RPH3AL: variants seen among roughly 807,000 people sequenced by gnomAD.
RPH3AL encodes rabphilin 3A like (without C2 domains), also known as rab effector Noc2.
RPH3AL carries 38 observed loss-of-function variants against 43.1 expected under a neutral mutation model. That is an observed-to-expected ratio of 0.88 (90% CI 0.68 to 1.15). The LOEUF is 1.15. RPH3AL is among the 50% of genes most tolerant of loss of function. The pLI is 0.00. For missense variants in RPH3AL, 462 were observed against 423.2 expected (o/e 1.09, Z -0.81); for synonymous variants, 189 against 176.3 (o/e 1.07, Z -0.57).
intron 5 of RPH3AL, among the ~76,000 whole-genome samples, chr17:291,930 G>C (rs895013267): frequency 6.6e-6 from 1 of 152,198 alleles, no homozygotes. Flanking sequence ...AAATCAAACT[G>C]TGCAAAGTCA....
At chr17:278,615 A>C (rs1384814529) in intron 6 of RPH3AL, among the ~76,000 whole-genome samples, 1 of 152,006 alleles carries the variant, frequency 6.6e-6, no homozygotes, top group East Asian at 1.9e-4. Context: ...CCCCTCTCTT[A>C]TCCCCATATA....
chr17:253,820 T>A (rs371195475), intron 6 of RPH3AL, among the ~76,000 whole-genome samples: 227 of 78,240 alleles, frequency 2.9e-3, no homozygotes, highest in African/African-American at 5.2e-3. Context: ...GTGACTACCC[T>A]ACGTACTTCC....
rs2041744507 is a variant in RPH3AL, at chr17:245,580, C to T, written c.613+1531G>A. On this transcript the variant is annotated intron_variant, in intron 7 of 9. Coordinates refer to ENST00000331302, the MANE Select transcript of RPH3AL (RefSeq NM_006987.4). The surrounding 1 kb of genome is among the most constrained non-coding windows in gnomAD (Gnocchi z 5.9). ...CCATAGGCCTTCAGCCTCTCCGGCTCAACTGGCTCCAAGCAGCATTTTAAA... is the reference window on the plus strand; with the variant it reads ...CCATAGGCCTTCAGCCTCTCCGGCTTAACTGGCTCCAAGCAGCATTTTAAA... Among the ~76,000 whole-genome samples, 1 of 152,076 alleles carries T rather than the reference C, an allele frequency of 6.6e-6. No individual in the cohort carries two copies. The highest frequency in any genetic ancestry group is 2.4e-5 in the African/African-American group (1 of 41,378).
At position 323,821 on chromosome 17, in the gene RPH3AL, C is replaced by T. The variant is rs1213508136; in HGVS notation, c.78-2406G>A. 1.3e-5 allele frequency among the ~76,000 whole-genome samples: 2 copies of T among 151,920 alleles called. No homozygotes were observed. Among genetic ancestry groups the T allele is most frequent in the African/African-American group, 2.4e-5 (1 of 41,328 alleles). ...AGGCAGGCCCGGACCCTCCATCACCCCGCGAGACAGTCCAGACCCTCAGTC... is the reference window on the plus strand; with the variant it reads ...AGGCAGGCCCGGACCCTCCATCACCTCGCGAGACAGTCCAGACCCTCAGTC... On this transcript the variant is annotated intron_variant, in intron 3 of 9. Coordinates refer to ENST00000331302, the MANE Select transcript of RPH3AL (RefSeq NM_006987.4). This position sits in a 1 kb window ranked among gnomAD's most constrained non-coding sequence, Gnocchi z 4.4.
At chr17:325,823 A>C (rs1359361825) in intron 3 of RPH3AL, among the ~76,000 whole-genome samples, 1 of 152,202 alleles carries the variant, frequency 6.6e-6, no homozygotes, top group Non-Finnish European at 1.5e-5. Flanking sequence ...CCCGAGCTGC[A>C]GCCCAGATAT....
chr17:306,950 T>C (rs1408212834), intron 5 of RPH3AL, among the ~76,000 whole-genome samples: 2 of 152,178 alleles, frequency 1.3e-5, no homozygotes, highest in Non-Finnish European at 2.9e-5. Context: ...TCTGCCGAGC[T>C]GTGCCTGCTC....
At chr17:330,536 C>T (rs1407505611) in intron 2 of RPH3AL, among the ~76,000 whole-genome samples, 1 of 152,242 alleles carries the variant, frequency 6.6e-6, no homozygotes, top group Admixed American at 6.5e-5. Context: ...AGTCACACTG[C>T]TCCACATGGG....
chr17:215,846 CG>C lies in RPH3AL; in HGVS notation c.728-45del. 3 of 1,298,270 alleles carry C rather than the reference CG, an allele frequency of 2.3e-6. No homozygotes were observed. Among genetic ancestry groups the C allele is most frequent in the Non-Finnish European group, 2.9e-6 (3 of 1,019,020 alleles). The allele number at this position is 1,298,270 out of a possible 1,614,324, so 80.4% of individuals were successfully genotyped here. A position where few individuals can be genotyped will look rare whatever the true frequency, so the allele number is the denominator to read the frequency against. ...GGGCCCCGTGGATCTCAAACCGAGA[CG>C]GGGTGATCTCAGTCCAGTTCCTCGT... On this transcript the variant is annotated intron_variant, in intron 8 of 9. Coordinates refer to ENST00000331302, the MANE Select transcript of RPH3AL (RefSeq NM_006987.4). This position sits in a 1 kb window ranked among gnomAD's most constrained non-coding sequence, Gnocchi z 4.1.
intron 8 of RPH3AL, among the ~76,000 whole-genome samples, chr17:218,679 C>T (rs1375946010): frequency 3.3e-5 from 5 of 152,166 alleles, no homozygotes; most frequent in Non-Finnish European, 7.3e-5. Context: ...TCTCCCAGGC[C>T]TTCTCTATAC....
intron 6 of RPH3AL, among the ~76,000 whole-genome samples, chr17:251,369 G>A (rs1287701265): frequency 6.6e-6 from 1 of 152,182 alleles, no homozygotes; most frequent in Non-Finnish European, 1.5e-5. Context: ...CCCATTCCCA[G>A]AAGCATCGAA....
chr17:318,844 A>G (rs2044377220), intron 5 of RPH3AL, among the ~76,000 whole-genome samples: 1 of 152,258 alleles, frequency 6.6e-6, no homozygotes, highest in Admixed American at 6.5e-5. Context: ...AGGGATCAAG[A>G]GAAGCAGGAC....
chr17:246,649 G>A lies in RPH3AL; in HGVS notation c.613+462C>T, dbSNP rs1249665883. Among the ~76,000 whole-genome samples the A allele has an allele frequency of 2.0e-5, 3 of 152,098 alleles. No homozygotes were observed. The East Asian group carries it at 5.8e-4, about 29-fold the overall frequency. Reference sequence around the variant, plus strand: ...TTACTGTAGCCACCAGAACGCCCAGGGACACTGGGATACAAAGTCACCATA... The same window carrying A: ...TTACTGTAGCCACCAGAACGCCCAGAGACACTGGGATACAAAGTCACCATA... On this transcript the variant is annotated intron_variant, in intron 7 of 9. Transcript: ENST00000331302. This position sits in a 1 kb window ranked among gnomAD's most constrained non-coding sequence, Gnocchi z 4.8.
rs77164500 is a variant in RPH3AL, at chr17:261,194, G to T, written c.439-13909C>A. ...AAGCACAGGCTCCTCGAGGGTGCTG[G>T]GGGCTGAACTGTGTCCTCCAAATCC... On this transcript the variant is annotated intron_variant, in intron 6 of 9. Transcript: ENST00000331302. Among the ~76,000 whole-genome samples, 345 of 152,310 alleles carry T rather than the reference G, an allele frequency of 2.3e-3. 3 individuals are homozygous for T. Among genetic ancestry groups the T allele is most frequent in the African/African-American group, 7.7e-3 (318 of 41,568 alleles).
intron 5 of RPH3AL, among the ~76,000 whole-genome samples, chr17:314,435 T>TG (rs1804066105): frequency 7.8e-6 from 1 of 127,422 alleles, no homozygotes; most frequent in Non-Finnish European, 1.6e-5. Flanking sequence ...GTAGTCCCTC[T>TG]GCCCCCACCT....
chr17:316,393 C>T (rs1175181565), intron 5 of RPH3AL, among the ~76,000 whole-genome samples: 7 of 151,590 alleles, frequency 4.6e-5, no homozygotes, highest in Admixed American at 3.9e-4. Flanking sequence ...CTGCACCCAC[C>T]TCCATTGTCC....
chr17:281,416 G>A (rs2042774732), intron 6 of RPH3AL, among the ~76,000 whole-genome samples: 2 of 151,976 alleles, frequency 1.3e-5, no homozygotes, highest in South Asian at 4.2e-4. Flanking sequence ...CGTTCACCCT[G>A]GGTAGCTACT....
intron 7 of RPH3AL, among the ~76,000 whole-genome samples, chr17:236,469 T>C (rs1339972273): frequency 3.3e-5 from 5 of 152,080 alleles, no homozygotes; most frequent in African/African-American, 7.2e-5. Context: ...CCATCCGTTA[T>C]GTTTGACTAT....
At chr17:307,219 ACGG>A (rs2043515292) in intron 5 of RPH3AL, among the ~76,000 whole-genome samples, 1 of 60,070 alleles carries the variant, frequency 1.7e-5, no homozygotes, top group Non-Finnish European at 3.9e-5. Flanking sequence ...GGTCCATCCC[ACGG>A]CAGGTCCATC....
Position 247,249 on chromosome 17 carries a change from G to T in RPH3AL, c.475C>A (p.Leu159Ile). ...TTCAGGGGCAAGATATACTTGGGGA[G>T]CCCTTTGTAGAACCAGGCCCCCGAC... is the stretch of plus-strand genomic sequence containing the variant. ...KRSGAWFYKG[L>I]PKYILPLKTP... Residue 159 changes from leucine (L) to isoleucine (I), a missense_variant, in exon 7 of 10, where the codon CTC (leucine) becomes ATC (isoleucine). Physicochemically the swap from Leu to Ile is conservative, Grantham distance 5 (BLOSUM62 2). Transcript: ENST00000331302. 6.2e-7 allele frequency: 1 copy of T among 1,605,290 alleles called. No homozygotes were observed. Among genetic ancestry groups the T allele is most frequent in the South Asian group, 1.1e-5 (1 of 90,134 alleles).
Sources: gnomAD v4.1 joint callset for allele counts (sites outside exome capture counted in the v4.1 genomes callset) on GRCh38, gnomAD v4.1.1 for gene constraint, Gnocchi (gnomAD v3.1) non-coding constraint, MANE v1.5 for transcripts, NCBI Gene and HGNC (gene_info 2026-07-23, HGNC 2026-07-21) for gene names.